CCDC6: variants seen among roughly 807,000 people sequenced by gnomAD.
The protein encoded by CCDC6 is coiled-coil domain containing 6.
A neutral mutation model predicts 56.6 loss-of-function variants in CCDC6; 20 were observed. The ratio of observed to expected loss-of-function variants is 0.35; its 90% CI spans 0.25 to 0.51. The LOEUF (loss-of-function observed/expected upper bound fraction) is 0.51, where lower values mean the gene tolerates loss of function less well. Among genes scored for constraint, CCDC6 ranks in the 20% least tolerant of loss-of-function variants. CCDC6 has a pLI of 0.95. For missense variants in CCDC6, 367 were observed against 601.1 expected (o/e 0.61, Z 4.07); for synonymous variants, 241 against 234.4 (o/e 1.03, Z -0.26).
intron 2 of CCDC6, among the ~76,000 whole-genome samples, chr10:59,837,710 C>T (rs1428008821): frequency 2.2e-5 from 3 of 135,458 alleles, no homozygotes; most frequent in African/African-American, 5.6e-5. Context: ...CGCACCACTG[C>T]ACTCTAGCCT....
At chr10:59,879,979 C>A (rs1052330948) in intron 1 of CCDC6, among the ~76,000 whole-genome samples, 1 of 151,994 alleles carries the variant, frequency 6.6e-6, no homozygotes, top group Non-Finnish European at 1.5e-5. Context: ...TTGATAAAAC[C>A]GAATTTAACT....
At chr10:59,843,640 T>G (rs1478264245) in intron 2 of CCDC6, among the ~76,000 whole-genome samples, 1 of 152,224 alleles carries the variant, frequency 6.6e-6, no homozygotes, top group African/African-American at 2.4e-5. Flanking sequence ...TCTTTAACTG[T>G]GGGCTGAATA....
At chr10:59,879,745 C>T (rs2071317091) in intron 1 of CCDC6, among the ~76,000 whole-genome samples, 1 of 152,162 alleles carries the variant, frequency 6.6e-6, no homozygotes, top group Admixed American at 6.5e-5. Context: ...TGCTTCCCTG[C>T]TTCCATCAAC....
chr10:59,838,455 A>C (rs2070905612), intron 2 of CCDC6, among the ~76,000 whole-genome samples: 1 of 152,158 alleles, frequency 6.6e-6, no homozygotes, highest in African/African-American at 2.4e-5. Context: ...CTGGCATAAC[A>C]TTCAAGTCCT....
intron 3 of CCDC6, among the ~76,000 whole-genome samples, chr10:59,818,899 C>T (rs1316055277): frequency 6.6e-6 from 1 of 152,192 alleles, no homozygotes; most frequent in African/African-American, 2.4e-5. Context: ...GTAATTGTTA[C>T]TATTTGCTTT....
chr10:59,855,460 G>A (rs1341377903), intron 1 of CCDC6, among the ~76,000 whole-genome samples: 4 of 152,236 alleles, frequency 2.6e-5, no homozygotes, highest in Middle Eastern at 6.8e-3. Context: ...CCAGCTACTC[G>A]GGAGGCTGAG....
chr10:59,812,629 A>T lies in CCDC6; in HGVS notation c.847+6T>A. 1.2e-6 allele frequency: 2 copies of T among 1,607,790 alleles called. No homozygotes were observed. On this transcript the variant is annotated splice_donor_region_variant and intron_variant, in intron 5 of 8. Coordinates refer to ENST00000263102, the MANE Select transcript of CCDC6 (RefSeq NM_005436.5). The stretch of plus-strand genomic sequence containing the variant: ...CATGAAACTAGTGAAACCAGAGGCT[A>T]CGTACGCTGTAACTGAGCAGCTCTC...
intron 3 of CCDC6, among the ~76,000 whole-genome samples, chr10:59,828,606 C>T (rs899510790): frequency 2.6e-5 from 4 of 152,146 alleles, no homozygotes; most frequent in Admixed American, 6.5e-5. Context: ...CAGGGGACCA[C>T]GTTTGCCACT....
intron 7 of CCDC6, among the ~76,000 whole-genome samples, chr10:59,801,476 C>T (rs1293057746): frequency 6.6e-6 from 1 of 152,112 alleles, no homozygotes; most frequent in East Asian, 1.9e-4. Context: ...AAATTCTTTG[C>T]CTTGACCTCA....
At chr10:59,845,886 T>A (rs555065755) in intron 2 of CCDC6, among the ~76,000 whole-genome samples, 1 of 152,190 alleles carries the variant, frequency 6.6e-6, no homozygotes, top group African/African-American at 2.4e-5. Context: ...ATGGATGCAA[T>A]GGTGTCATAG....
intron 5 of CCDC6, among the ~76,000 whole-genome samples, chr10:59,810,172 G>A (rs769725101): frequency 6.6e-6 from 1 of 152,170 alleles, no homozygotes; most frequent in Non-Finnish European, 1.5e-5. Flanking sequence ...TGGAGGGTGA[G>A]GAGCCACCTG....
At chr10:59,803,590 C>G (rs183486258) in intron 7 of CCDC6, among the ~76,000 whole-genome samples, 1 of 152,198 alleles carries the variant, frequency 6.6e-6, no homozygotes, top group African/African-American at 2.4e-5. Context: ...CTTTCCTCCC[C>G]CTACTCCACT....
intron 1 of CCDC6, among the ~76,000 whole-genome samples, chr10:59,863,352 C>A (rs990493972): frequency 6.6e-6 from 1 of 152,148 alleles, no homozygotes; most frequent in African/African-American, 2.4e-5. Context: ...TGTTAAACAA[C>A]GTTATAAATA....
chr10:59,878,912 A>G (rs527621440), intron 1 of CCDC6, among the ~76,000 whole-genome samples: 1 of 152,288 alleles, frequency 6.6e-6, no homozygotes, highest in Non-Finnish European at 1.5e-5. Context: ...AGGGAAAGGA[A>G]AGGAAAAGAT....
chr10:59,874,293 A>G (rs372678004), intron 1 of CCDC6, among the ~76,000 whole-genome samples: 2 of 152,094 alleles, frequency 1.3e-5, no homozygotes, highest in African/African-American at 4.8e-5. Context: ...TTGGCACTAA[A>G]CTTGCCTTTT....
At chr10:59,868,267 G>A (rs754099464) in intron 1 of CCDC6, among the ~76,000 whole-genome samples, 6 of 152,176 alleles carry the variant, frequency 3.9e-5, no homozygotes, top group Non-Finnish European at 7.3e-5. Flanking sequence ...AGGTTGCCAG[G>A]TAGAAGTTAT....
chr10:59,813,185 G>A (rs993468754), intron 4 of CCDC6, among the ~76,000 whole-genome samples: 3 of 152,068 alleles, frequency 2.0e-5, no homozygotes, highest in Admixed American at 6.6e-5. Flanking sequence ...ATTTTCTTAC[G>A]GCTTTTGATT....
intron 1 of CCDC6, among the ~76,000 whole-genome samples, chr10:59,853,775 G>C (rs1182072209): frequency 6.6e-6 from 1 of 152,036 alleles, no homozygotes; most frequent in Non-Finnish European, 1.5e-5. Context: ...TTAGTGAATT[G>C]AATTTTAAAA....
chr10:59,820,100 C>CTT (rs1162013990), intron 3 of CCDC6, among the ~76,000 whole-genome samples: 5 of 152,204 alleles, frequency 3.3e-5, no homozygotes, highest in African/African-American at 1.2e-4. Flanking sequence ...CACAGCCGGT[C>CTT]CCACTTGTGT....
Sources: gnomAD v4.1 joint callset for allele counts (sites outside exome capture counted in the v4.1 genomes callset) on GRCh38, gnomAD v4.1.1 for gene constraint, MANE v1.5 for transcripts, NCBI Gene and HGNC (gene_info 2026-07-23, HGNC 2026-07-21) for gene names.